SCN9A: variants seen among roughly 807,000 people sequenced by gnomAD.
SCN9A encodes sodium voltage-gated channel alpha subunit 9, also known as sodium channel protein type 9 subunit alpha.
SCN9A carries 131 observed loss-of-function variants against 187.0 expected under a neutral mutation model. The ratio of observed to expected loss-of-function variants is 0.70; its 90% CI spans 0.61 to 0.81. The LOEUF is 0.81. Ranked by LOEUF, SCN9A falls within the 30% of genes least tolerant of loss-of-function variation. The probability of loss-of-function intolerance (pLI) is 0.00; values close to 1 mark genes in which losing one functional copy is unlikely to be tolerated. For synonymous variants in SCN9A, 809 were observed against 808.6 expected (o/e 1.00, Z -0.01); for missense variants, 2,252 against 2,396.6 (o/e 0.94, Z 1.26).
At chr2:166,341,531 G>A (rs894014366) in intron 1 of SCN9A, among the ~76,000 whole-genome samples, 2 of 152,178 alleles carry the variant, frequency 1.3e-5, no homozygotes, top group African/African-American at 4.8e-5. Flanking sequence ...TGTTTTAAAA[G>A]GCACTAGTTT....
At chr2:166,251,701 C>T (rs1164543465) in intron 18 of SCN9A, 64 bp downstream of exon 18, 24 of 1,574,270 alleles carry the variant, frequency 1.5e-5, no homozygotes, top group Non-Finnish European at 1.8e-5. Flanking sequence ...AAGTATTAGG[C>T]GTTAAGACAA....
chr2:166,350,624 C>T (rs563913729), intron 1 of SCN9A, among the ~76,000 whole-genome samples: 2 of 152,244 alleles, frequency 1.3e-5, no homozygotes, highest in African/African-American at 4.8e-5. Flanking sequence ...GAATTGAGCT[C>T]TTAGAATTTT....
Position 166,280,516 on chromosome 2 carries a change from T to G in SCN9A, c.2184A>C (p.Pro728=). The change falls in exon 14 of 27, where the codon CCA becomes CCC. Residue 728 remains proline, a synonymous_variant. Coordinates refer to ENST00000642356, the MANE Select transcript of SCN9A (RefSeq NM_001365536.1). ...TACACTTTTTGAATTTTATCCAATATGGAGAGCAATTCCAGATCAAGAATT... is the reference window on the plus strand; with the variant it reads ...TACACTTTTTGAATTTTATCCAATAGGGAGAGCAATTCCAGATCAAGAATT... The part of the protein sequence containing the change: ...AHKFLIWNCS[P]YWIKFKKCIY... The G allele has an allele frequency of 6.3e-7, 1 of 1,590,938 alleles. No individual in the cohort carries two copies. Among genetic ancestry groups the G allele is most frequent in the Non-Finnish European group, 8.6e-7 (1 of 1,166,666 alleles).
chr2:166,308,324 C>A (rs929455210), intron 2 of SCN9A, among the ~76,000 whole-genome samples: 4 of 152,056 alleles, frequency 2.6e-5, no homozygotes, highest in African/African-American at 9.7e-5. Flanking sequence ...GAATTGTAAT[C>A]CCCACGTCTC....
At chr2:166,213,580 A>G (rs1218690216) in intron 24 of SCN9A, among the ~76,000 whole-genome samples, 1 of 151,822 alleles carries the variant, frequency 6.6e-6, no homozygotes, top group Non-Finnish European at 1.5e-5. Flanking sequence ...TAAAGAAGAA[A>G]CAACATTAAT....
At chr2:166,311,473 G>A (rs1698953811) in intron 2 of SCN9A, 26 bp downstream of exon 2, 1 of 1,476,874 alleles carries the variant, frequency 6.8e-7, no homozygotes, top group South Asian at 1.6e-5. Flanking sequence ...AACAGAAACT[G>A]ACCACTGAAG....
In SCN9A at chr2:166,351,694, G is replaced by A. The variant is rs376022705; in HGVS notation, c.-51+24003C>T. On this transcript the variant is annotated intron_variant, in intron 1 of 26. Coordinates refer to ENST00000642356, the MANE Select transcript of SCN9A (RefSeq NM_001365536.1). ...ACCATCCAAGTCATTAGTCTTGGGG[G>A]TTGGGTAGATTCACTACATCCAAGT... Among the ~76,000 whole-genome samples, 35 of 152,242 alleles carry A rather than the reference G, an allele frequency of 2.3e-4. 1 individual carries two copies. The South Asian group carries it at 7.3e-3, about 32-fold the overall frequency.
chr2:166,281,015 C>A (rs772897341), intron 13 of SCN9A, among the ~76,000 whole-genome samples: 1 of 152,118 alleles, frequency 6.6e-6, no homozygotes. Context: ...TGTAATAGTT[C>A]ACAGGTGAAA....
Position 166,272,413 on chromosome 2 carries a change from C to T in SCN9A, c.3337G>A (p.Glu1113Lys). ...AGCATTCTTACCACTTTGCTGTATT[C>T]ACTATCCGAATCACTGCTAAGTTCC... is the stretch of plus-strand genomic sequence containing the variant. ...AEELSSDSDSEYSKVRLNRSS... is the reference protein window; with the variant it reads ...AEELSSDSDSKYSKVRLNRSS... The change falls in exon 17 of 27, where the codon GAA becomes AAA. Residue 1113 changes from glutamate to lysine, a missense_variant. Physicochemically the swap from Glu to Lys is moderately conservative, Grantham distance 56. This residue lies in a region of SCN9A where 313 missense variants were observed against 295.3 expected (regional missense o/e 1.06). Coordinates refer to ENST00000642356, the MANE Select transcript of SCN9A (RefSeq NM_001365536.1). The T allele has an allele frequency of 6.3e-7, 1 of 1,587,978 alleles. No individual in the cohort carries two copies. The highest frequency in any genetic ancestry group is 8.6e-7 in the Non-Finnish European group (1 of 1,163,464).
chr2:166,360,219 CAAAAAAAAAAAAAAAAGAA>C (rs1205473761), intron 1 of SCN9A, among the ~76,000 whole-genome samples: 182 of 24,022 alleles, frequency 7.6e-3, no homozygotes, highest in African/African-American at 0.043. Context: ...AACTCTGTCT[CAAAAAAAAAAAAAAAAGAA>C]AAAAAAAAAA....
chr2:166,260,462 A>G (rs1011172523), intron 17 of SCN9A, among the ~76,000 whole-genome samples: 1 of 151,922 alleles, frequency 6.6e-6, no homozygotes, highest in Non-Finnish European at 1.5e-5. Context: ...AGCCAGATAC[A>G]GCCCCTTACT....
At position 166,366,398 on chromosome 2, in the gene SCN9A, C is replaced by A. The variant is rs188532495; in HGVS notation, c.-51+9299G>T. 1.8e-3 allele frequency among the ~76,000 whole-genome samples: 271 copies of A among 151,926 alleles called. 1 individual carries two copies. The highest frequency in any genetic ancestry group is 7.9e-3 in the South Asian group (38 of 4,800). On this transcript the variant is annotated intron_variant, in intron 1 of 26. Transcript: ENST00000642356. ...ATAATATTCTATTTTATATACAGAC[C>A]ACATTTTCTTTACTCTTTTATCTGT... is the stretch of plus-strand genomic sequence containing the variant.
chr2:166,299,465 C>G (rs1389185801), intron 7 of SCN9A, among the ~76,000 whole-genome samples: 6 of 150,920 alleles, frequency 4.0e-5, no homozygotes, highest in Non-Finnish European at 8.8e-5. Flanking sequence ...TGATTCTACA[C>G]AAGCACATCT....
At chr2:166,255,651 A>T (rs1696237208) in intron 17 of SCN9A, among the ~76,000 whole-genome samples, 1 of 150,652 alleles carries the variant, frequency 6.6e-6, no homozygotes, top group Non-Finnish European at 1.5e-5. Flanking sequence ...GAAAAATGTT[A>T]CATTTCAAGT....
chr2:166,238,574 T>A (rs1312352320), intron 19 of SCN9A, among the ~76,000 whole-genome samples: 1 of 152,202 alleles, frequency 6.6e-6, no homozygotes, highest in Non-Finnish European at 1.5e-5. Context: ...CTCCTCTTTC[T>A]CCATTAAAAT....
At chr2:166,279,447 C>T (rs1697380483) in intron 14 of SCN9A, among the ~76,000 whole-genome samples, 1 of 152,128 alleles carries the variant, frequency 6.6e-6, no homozygotes, top group Non-Finnish European at 1.5e-5. Flanking sequence ...TGGTGCCTGC[C>T]TCACATCCAT....
At chr2:166,339,760 A>C (rs536028182) in intron 1 of SCN9A, among the ~76,000 whole-genome samples, 15 of 152,312 alleles carry the variant, frequency 9.8e-5, no homozygotes, top group African/African-American at 3.6e-4. Flanking sequence ...TTAAAATCAG[A>C]CTTTTAAATT....
chr2:166,367,613 T>G (rs978446638), intron 1 of SCN9A, among the ~76,000 whole-genome samples: 1 of 152,188 alleles, frequency 6.6e-6, no homozygotes, highest in Non-Finnish European at 1.5e-5. Flanking sequence ...ACCATTCCTC[T>G]TTTTTCAAAT....
At chr2:166,201,259 C>CTATACATATACATATACTATACA (rs1423352258) in intron 26 of SCN9A, among the ~76,000 whole-genome samples, 1 of 140,376 alleles carries the variant, frequency 7.1e-6, no homozygotes, top group Non-Finnish European at 1.5e-5. Context: ...TATACATATA[C>CTATACATATACATATACTATACA]TATACATATA....
Sources: gnomAD v4.1 joint callset for allele counts (sites outside exome capture counted in the v4.1 genomes callset) on GRCh38, gnomAD v4.1.1 for gene constraint, gnomAD v4.1.1 regional missense constraint, MANE v1.5 for transcripts, NCBI Gene and HGNC (gene_info 2026-07-23, HGNC 2026-07-21) for gene names.